RGS7: variants seen among roughly 807,000 people sequenced by gnomAD.
RGS7 encodes the protein regulator of G-protein signaling 7.
RGS7 carries 27 observed loss-of-function variants against 81.1 expected under a neutral mutation model. The observed-to-expected ratio is 0.33, with a 90% CI of 0.25 to 0.46. The LOEUF is 0.46. Ranked by LOEUF, RGS7 falls within the 20% of genes least tolerant of loss-of-function variation. The probability of loss-of-function intolerance (pLI) is 1.00; values close to 1 mark genes in which losing one functional copy is unlikely to be tolerated. For missense variants in RGS7, 396 were observed against 607.4 expected (o/e 0.65, Z 3.66); for synonymous variants, 208 against 207.7 (o/e 1.00, Z -0.01).
intron 10 of RGS7, among the ~76,000 whole-genome samples, chr1:240,818,817 G>T (rs1465314168): frequency 6.6e-6 from 1 of 152,106 alleles, no homozygotes; most frequent in East Asian, 1.9e-4. Context: ...TGGTCAACGG[G>T]TACAAAGTTA....
chr1:241,357,181 G>A lies in RGS7; in HGVS notation c.-333C>T, dbSNP rs2083634478. ...CTCCGCTTCTTCTCCCGGGGACTGG[G>A]ACCAGCCGAGCGCGCGCGGGAGTCG... On this transcript the variant is annotated 5_prime_UTR_variant, in exon 1 of 19. Transcript: ENST00000440928. The A allele has an allele frequency of 6.6e-6, 1 of 151,994 alleles. No individual in the cohort carries two copies. The highest frequency in any genetic ancestry group is 2.1e-4 in the South Asian group (1 of 4,832). The allele number at this position is 151,994 out of a possible 1,614,324, so 9.4% of individuals were successfully genotyped here.
chr1:241,245,257 T>C (rs2076462734), intron 2 of RGS7, among the ~76,000 whole-genome samples: 1 of 151,994 alleles, frequency 6.6e-6, no homozygotes, highest in African/African-American at 2.4e-5. Context: ...GAGGATGCTT[T>C]CTTATGGTTT....
At chr1:240,968,071 G>A (rs868269790) in intron 4 of RGS7, among the ~76,000 whole-genome samples, 19 of 152,178 alleles carry the variant, frequency 1.2e-4, no homozygotes, top group African/African-American at 4.6e-4. Context: ...ATCAGTTCGT[G>A]AGGGCCAAGG....
chr1:240,814,610 C>A, intron 12 of RGS7, 106 bp downstream of exon 12: 1 of 749,114 alleles, frequency 1.3e-6, no homozygotes, highest in Admixed American at 2.0e-5. Flanking sequence ...TACAGGATTC[C>A]AATTATCTGT....
chr1:240,967,579 G>A (rs55923437), intron 4 of RGS7, among the ~76,000 whole-genome samples: 9 of 74,310 alleles, frequency 1.2e-4, no homozygotes, highest in South Asian at 5.1e-4. Context: ...GGGGGGGGGG[G>A]GGAAAAGGCT....
chr1:241,309,067 A>G (rs1488541136), intron 2 of RGS7, among the ~76,000 whole-genome samples: 1 of 152,078 alleles, frequency 6.6e-6, no homozygotes, highest in Non-Finnish European at 1.5e-5. Context: ...TTTAATTTTC[A>G]AGGAATGCAA....
At chr1:241,134,897 C>T (rs1343886602) in intron 2 of RGS7, among the ~76,000 whole-genome samples, 6 of 151,534 alleles carry the variant, frequency 4.0e-5, no homozygotes, top group Non-Finnish European at 7.4e-5. Context: ...AGCAAGACAG[C>T]GGAAGCAGGA....
intron 3 of RGS7, among the ~76,000 whole-genome samples, chr1:241,011,608 G>GGGCTGTGTTCTCACTT (rs1451003669): frequency 2.6e-5 from 4 of 152,118 alleles, no homozygotes; most frequent in South Asian, 4.1e-4. Context: ...GGGACTTGTT[G>GGGCTGTGTTCTCACTT]GGCTGTGTTC....
intron 3 of RGS7, among the ~76,000 whole-genome samples, chr1:241,029,643 T>C (rs1395855827): frequency 1.3e-5 from 2 of 152,222 alleles, no homozygotes; most frequent in Non-Finnish European, 2.9e-5. Flanking sequence ...AGGGTCTTAT[T>C]TACCATCAGC....
chr1:240,841,916 A>G (rs997226961), intron 9 of RGS7, among the ~76,000 whole-genome samples: 1 of 152,166 alleles, frequency 6.6e-6, no homozygotes, highest in Non-Finnish European at 1.5e-5. Flanking sequence ...GACAAATAAC[A>G]TGATGACAAA....
intron 2 of RGS7, among the ~76,000 whole-genome samples, chr1:241,169,300 G>A (rs952509344): frequency 6.8e-6 from 1 of 147,538 alleles, no homozygotes. Flanking sequence ...ACAAATGCCT[G>A]TGAATGTGAC....
intron 3 of RGS7, among the ~76,000 whole-genome samples, chr1:241,096,704 G>A (rs776098220): frequency 6.6e-6 from 1 of 152,146 alleles, no homozygotes; most frequent in African/African-American, 2.4e-5. Flanking sequence ...CCAACAGCTT[G>A]CTGTTGAGAT....
At position 241,271,720 on chromosome 1, in the gene RGS7, G is replaced by A. The variant is rs1164860882; in HGVS notation, c.78+83979C>T. Among the ~76,000 whole-genome samples the A allele has an allele frequency of 6.6e-6, 1 of 152,184 alleles. No individual in the cohort carries two copies. ...GGATTCTCTCTCTGCTGGAGTGCTT[G>A]AGCTAGGACATTGGCCTTGGAGTGG... On this transcript the variant is annotated intron_variant, in intron 2 of 18. Coordinates refer to ENST00000440928, the MANE Select transcript of RGS7 (RefSeq NM_001364886.1). This position sits in a 1 kb window ranked among gnomAD's most constrained non-coding sequence, Gnocchi z 4.6.
chr1:241,129,449 C>A (rs981419654), intron 2 of RGS7, among the ~76,000 whole-genome samples: 3 of 152,188 alleles, frequency 2.0e-5, no homozygotes, highest in African/African-American at 2.4e-5. Context: ...GACATTATCA[C>A]ATTTTTACAT....
chr1:240,842,655 T>G (rs2147887057), intron 9 of RGS7, among the ~76,000 whole-genome samples: 1 of 152,144 alleles, frequency 6.6e-6, no homozygotes, highest in African/African-American at 2.4e-5. Context: ...ATAGGGTAAG[T>G]GTGGAGGCAA....
intron 6 of RGS7, among the ~76,000 whole-genome samples, chr1:240,889,368 T>C (rs1228945204): frequency 1.3e-5 from 2 of 151,936 alleles, no homozygotes; most frequent in East Asian, 3.9e-4. Context: ...GAGCAGAAAA[T>C]AAGCAGGGAA....
intron 3 of RGS7, among the ~76,000 whole-genome samples, chr1:241,036,213 C>T (rs2060317441): frequency 6.6e-6 from 1 of 152,000 alleles, no homozygotes; most frequent in East Asian, 1.9e-4. Flanking sequence ...CAAACTATGT[C>T]TTTAAAATTC....
intron 2 of RGS7, among the ~76,000 whole-genome samples, chr1:241,232,685 A>G (rs1375234477): frequency 2.6e-5 from 4 of 151,916 alleles, no homozygotes; most frequent in African/African-American, 9.7e-5. Context: ...AAAAAAAAAA[A>G]AAGGCCTGGG....
At chr1:241,246,787 T>C (rs928700195) in intron 2 of RGS7, among the ~76,000 whole-genome samples, 1 of 151,922 alleles carries the variant, frequency 6.6e-6, no homozygotes, top group African/African-American at 2.4e-5. Context: ...CTGTAAATCT[T>C]GTAGAATTAG....
Sources: allele counts gnomAD v4.1 joint callset (sites outside exome capture counted in the v4.1 genomes callset), GRCh38; gene constraint gnomAD v4.1.1; non-coding constraint Gnocchi (gnomAD v3.1); transcripts MANE v1.5; gene names NCBI Gene and HGNC (gene_info 2026-07-23, HGNC 2026-07-21).